Variants in TRAT1 observed in about 807,000 individuals in gnomAD.
TRAT1 encodes the protein T-cell receptor-associated transmembrane adapter 1.
Under a neutral mutation model 20.0 loss-of-function variants are expected in TRAT1, and 20 were observed. The ratio of observed to expected loss-of-function variants is 1.00; its 90% CI spans 0.70 to 1.45. The LOEUF (loss-of-function observed/expected upper bound fraction) is 1.45, where lower values mean the gene tolerates loss of function less well. Ranked by LOEUF, TRAT1 falls within the 40% of genes most tolerant of loss-of-function variation. The probability of loss-of-function intolerance (pLI) is 0.00; values close to 1 mark genes in which losing one functional copy is unlikely to be tolerated. For synonymous variants in TRAT1, 77 were observed against 74.2 expected, an observed-to-expected ratio of 1.04 and a Z score of -0.20; for missense variants, 237 against 224.1, an observed-to-expected ratio of 1.06 and a Z score of -0.37.
At chr3:108,833,268 A>C (rs940378750) in intron 2 of TRAT1, among the ~76,000 whole-genome samples, 3 of 152,192 alleles carry the variant, frequency 2.0e-5, no homozygotes, top group African/African-American at 7.2e-5. Context: ...AATTACAAAA[A>C]TTAGCTGGGC....
chr3:108,853,113 A>C (rs1946011269), intron 5 of TRAT1, among the ~76,000 whole-genome samples: 1 of 152,334 alleles, frequency 6.6e-6, no homozygotes, highest in African/African-American at 2.4e-5. Context: ...CATGTAAGTG[A>C]ATATTGTTAT....
At position 108,844,866 on chromosome 3, in the gene TRAT1, A is replaced by G. The variant is rs1177906874; in HGVS notation, c.153-2202A>G. Among the ~76,000 whole-genome samples, 29 of 138,370 alleles carry G rather than the reference A, an allele frequency of 2.1e-4. 1 individual carries two copies. The highest frequency in any genetic ancestry group is 1.6e-3 in the Admixed American group (22 of 13,966). 90.8% of individuals were successfully genotyped at this position (138,370 alleles called of 152,430 possible). ...CTCAAAAAAAAAAAAAAAAAAAAAA[A>G]AAAGAAATACGTGTATATATATATG... On this transcript the variant is annotated intron_variant, in intron 3 of 5. Coordinates refer to ENST00000295756, the MANE Select transcript of TRAT1 (RefSeq NM_016388.4).
At position 108,854,633 on chromosome 3, in the gene TRAT1, T is replaced by A. The variant is rs1946028354; in HGVS notation, c.*756T>A. On this transcript the variant is annotated 3_prime_UTR_variant, in exon 6 of 6. Coordinates refer to ENST00000295756, the MANE Select transcript of TRAT1 (RefSeq NM_016388.4). ...AAAAATGTGGTTTCTTTTGTACACATTACTTAAACTTTCTTTCCAGTCAAC... is the reference window on the plus strand; with the variant it reads ...AAAAATGTGGTTTCTTTTGTACACAATACTTAAACTTTCTTTCCAGTCAAC... The A allele has an allele frequency of 6.6e-6, 1 of 152,152 alleles. No individual in the cohort carries two copies. 9.4% of individuals were successfully genotyped at this position (152,152 alleles called of 1,614,324 possible).
At chr3:108,829,539 G>A (rs572054433) in intron 1 of TRAT1, among the ~76,000 whole-genome samples, 9 of 151,040 alleles carry the variant, frequency 6.0e-5, no homozygotes, top group Admixed American at 1.3e-4. Flanking sequence ...AGCCGAGATC[G>A]TGCCACTGCA....
At chr3:108,824,042 T>C (rs919250627) in intron 1 of TRAT1, among the ~76,000 whole-genome samples, 3 of 152,146 alleles carry the variant, frequency 2.0e-5, no homozygotes, top group African/African-American at 7.2e-5. Context: ...TGGCTAATTT[T>C]TGTATTTCTA....
chr3:108,831,165 A>G (rs1457954694), intron 2 of TRAT1, among the ~76,000 whole-genome samples: 1 of 152,194 alleles, frequency 6.6e-6, no homozygotes, highest in Non-Finnish European at 1.5e-5. Flanking sequence ...ATTCAAGCCA[A>G]CTTAATCTTC....
At chr3:108,824,928 A>G (rs1475414614) in intron 1 of TRAT1, among the ~76,000 whole-genome samples, 1 of 152,240 alleles carries the variant, frequency 6.6e-6, no homozygotes, top group African/African-American at 2.4e-5. Flanking sequence ...TAGAACAGAT[A>G]TGGTAACATT....
chr3:108,827,114 G>GGC (rs1456987639), intron 1 of TRAT1, among the ~76,000 whole-genome samples: 1 of 152,110 alleles, frequency 6.6e-6, no homozygotes, highest in Non-Finnish European at 1.5e-5. Flanking sequence ...AATTTCTCGA[G>GGC]TTCTTCGGCT....
Position 108,850,306 on chromosome 3 carries a change from C to CTT in TRAT1, c.303+1065_303+1066dup, listed in dbSNP as rs35451422. Among the ~76,000 whole-genome samples, 542 of 144,728 alleles carry CTT rather than the reference C, an allele frequency of 3.7e-3. 3 individuals are homozygous for CTT. Among genetic ancestry groups the CTT allele is most frequent in the South Asian group, 0.022 (100 of 4,584 alleles). 94.9% of individuals were successfully genotyped at this position (144,728 alleles called of 152,430 possible). On this transcript the variant is annotated intron_variant, in intron 5 of 5. Coordinates refer to ENST00000295756, the MANE Select transcript of TRAT1 (RefSeq NM_016388.4). ...TCCCCTAAGAAATCAAACTTTTAAA[C>CTT]TTTTTTTTTTTTTTGAGACAGAGTT... is the stretch of plus-strand genomic sequence containing the variant.
In TRAT1 at chr3:108,854,899, C is replaced by G. The variant is rs1233362412; in HGVS notation, c.*1022C>G. On this transcript the variant is annotated 3_prime_UTR_variant, in exon 6 of 6. Transcript: ENST00000295756. ...CTCTCTGTTTCATCAGAAACACATA[C>G]TATAATACTTGTCTCTGTCCTTAAG... The G allele has an allele frequency of 6.6e-6, 1 of 152,138 alleles. No individual in the cohort carries two copies. Among genetic ancestry groups the G allele is most frequent in the Non-Finnish European group, 1.5e-5 (1 of 67,976 alleles). 9.4% of individuals were successfully genotyped at this position (152,138 alleles called of 1,614,324 possible).
At chr3:108,837,377 C>G (rs2107510493) in intron 2 of TRAT1, among the ~76,000 whole-genome samples, 1 of 152,320 alleles carries the variant, frequency 6.6e-6, no homozygotes, top group Admixed American at 6.5e-5. Flanking sequence ...TTCTTCCAAA[C>G]ACATTGACAT....
rs138948679 is a variant in TRAT1, at chr3:108,853,647, G to A, written c.331G>A (p.Ala111Thr). ...AACCAATGAAACACAGATGTGCTAC[G>A]CCTCACTTGATCACAGCGTTAAGGG... ...QATNETQMCY[A>T]SLDHSVKGKR... The change falls in exon 6 of 6, where the codon GCC becomes ACC. Residue 111 changes from alanine to threonine, a missense_variant. Coordinates refer to ENST00000295756, the MANE Select transcript of TRAT1 (RefSeq NM_016388.4). 2.9e-4 allele frequency: 466 copies of A among 1,614,010 alleles called. No individual in the cohort carries two copies. The highest frequency in any genetic ancestry group is 8.2e-4 in the Middle Eastern group (5 of 6,062).
intron 1 of TRAT1, among the ~76,000 whole-genome samples, chr3:108,828,811 A>T (rs1945765697): frequency 6.6e-6 from 1 of 152,214 alleles, no homozygotes; most frequent in South Asian, 2.1e-4. Context: ...ATTTTAGGGC[A>T]GATTGTATGC....
At chr3:108,846,585 G>T (rs1348764316) in intron 3 of TRAT1, among the ~76,000 whole-genome samples, 1 of 152,182 alleles carries the variant, frequency 6.6e-6, no homozygotes, top group Non-Finnish European at 1.5e-5. Flanking sequence ...TTCTGGGTGA[G>T]TAAAGAGGCA....
At chr3:108,839,505 G>A (rs1379764309) in intron 3 of TRAT1, among the ~76,000 whole-genome samples, 1 of 152,112 alleles carries the variant, frequency 6.6e-6, no homozygotes, top group Non-Finnish European at 1.5e-5. Flanking sequence ...AATTAGCTGG[G>A]CGTGGTGGCA....
chr3:108,849,135 A>G (rs200081929), intron 4 of TRAT1, 31 bp from the exon 5 acceptor site: 11 of 1,577,508 alleles, frequency 7.0e-6, no homozygotes, highest in Middle Eastern at 1.7e-4. Context: ...TAAATTTTCT[A>G]TTGTGAATCA....
chr3:108,827,674 GA>G, intron 1 of TRAT1, among the ~76,000 whole-genome samples: 1 of 152,124 alleles, frequency 6.6e-6, no homozygotes, highest in East Asian at 1.9e-4. Context: ...AAAAGCAGAG[GA>G]AACCAGAGAC....
At chr3:108,823,861 G>A (rs1352653316) in intron 1 of TRAT1, among the ~76,000 whole-genome samples, 1 of 151,814 alleles carries the variant, frequency 6.6e-6, no homozygotes, top group African/African-American at 2.4e-5. Context: ...CATTTATGTT[G>A]TATACAGTTT....
rs145825485 is a variant in TRAT1 at position 108,850,917 on chromosome 3, T to G, written c.303+1663T>G. On this transcript the variant is annotated intron_variant, in intron 5 of 5. Transcript: ENST00000295756. ...GCTTTATTTGACCTGCATCTGGCTTTCACTCAAGTGAAAATTATGCAAAGC... is the reference window on the plus strand; with the variant it reads ...GCTTTATTTGACCTGCATCTGGCTTGCACTCAAGTGAAAATTATGCAAAGC... Among the ~76,000 whole-genome samples the G allele has an allele frequency of 2.5e-3, 374 of 152,364 alleles. 2 individuals are homozygous for G. The highest frequency in any genetic ancestry group is 8.5e-3 in the African/African-American group (355 of 41,588).
Sources: gnomAD v4.1 joint callset for allele counts (sites outside exome capture counted in the v4.1 genomes callset) on GRCh38, gnomAD v4.1.1 for gene constraint, MANE v1.5 for transcripts, NCBI Gene and HGNC (gene_info 2026-07-23, HGNC 2026-07-21) for gene names.